Variants in XXYLT1 observed in about 807,000 individuals in gnomAD.
XXYLT1 encodes xyloside xylosyltransferase 1.
In XXYLT1, 20 loss-of-function variants were observed where a neutral mutation model predicts 28.9. That is an observed-to-expected ratio of 0.69 (90% CI 0.49 to 1.00). XXYLT1 has a LOEUF of 1.00. Among genes scored for constraint, XXYLT1 ranks in the 50% least tolerant of loss-of-function variants. The probability of loss-of-function intolerance (pLI) is 0.00; values close to 1 mark genes in which losing one functional copy is unlikely to be tolerated. For synonymous variants in XXYLT1, 257 were observed against 253.8 expected (o/e 1.01, Z -0.12); for missense variants, 542 against 560.1 (o/e 0.97, Z 0.33).
intron 2 of XXYLT1, among the ~76,000 whole-genome samples, chr3:195,216,189 A>G (rs1164930225): frequency 1.3e-5 from 2 of 152,342 alleles, no homozygotes; most frequent in African/African-American, 4.8e-5. Flanking sequence ...TATAGCACTA[A>G]GTGCCCACAA....
chr3:195,113,389 G>A (rs377152216), intron 3 of XXYLT1, among the ~76,000 whole-genome samples: 2 of 152,154 alleles, frequency 1.3e-5, no homozygotes, highest in South Asian at 2.1e-4. Context: ...GGCAGGCACC[G>A]TTCCAAGAAG....
At chr3:195,073,829 T>G (rs1388290240) in intron 3 of XXYLT1, among the ~76,000 whole-genome samples, 3 of 152,238 alleles carry the variant, frequency 2.0e-5, no homozygotes, top group Admixed American at 6.5e-5. Context: ...GCTAGTCAAC[T>G]AGTTTTCATG....
At chr3:195,254,029 C>G (rs1246070431) in intron 1 of XXYLT1, among the ~76,000 whole-genome samples, 2 of 152,198 alleles carry the variant, frequency 1.3e-5, no homozygotes, top group Non-Finnish European at 2.9e-5. Flanking sequence ...CAGCTGTGCA[C>G]CAGGGGGCAC....
intron 3 of XXYLT1, among the ~76,000 whole-genome samples, chr3:195,143,618 G>C (rs1054343355): frequency 1.3e-5 from 2 of 151,284 alleles, no homozygotes; most frequent in Non-Finnish European, 2.9e-5. Flanking sequence ...TTTTTAAATT[G>C]TAAAAACGTG....
chr3:195,270,988 T>A lies in XXYLT1; in HGVS notation c.71A>T (p.Tyr24Phe). Residue 24 changes from tyrosine to phenylalanine, a missense_variant, in exon 1 of 4, where the codon TAC becomes TTC. Tyr to Phe is a conservative substitution (Grantham distance 22, BLOSUM62 3). Coordinates refer to ENST00000310380, the MANE Select transcript of XXYLT1 (RefSeq NM_152531.5). Reference protein sequence around the residue: ...MARLGAVRSHYCALLLAAALA... With the variant: ...MARLGAVRSHFCALLLAAALA... ...CGCCGCGGCCAGCAGCAGGGCGCAG[T>A]AGTGGGAGCGCACAGCGCCCAGGCG... 6.7e-7 allele frequency: 1 copy of A among 1,481,940 alleles called. No homozygotes were observed. The allele number at this position is 1,481,940 out of a possible 1,614,324, so 91.8% of individuals were successfully genotyped here. A position where few individuals can be genotyped will look rare whatever the true frequency, so the allele number is the denominator to read the frequency against.
At chr3:195,162,510 A>T (rs1389753880) in intron 2 of XXYLT1, among the ~76,000 whole-genome samples, 1 of 152,228 alleles carries the variant, frequency 6.6e-6, no homozygotes, top group Non-Finnish European at 1.5e-5. Context: ...CTGTACAACA[A>T]ACTTTCTTCA....
chr3:195,131,326 C>T lies in XXYLT1; in HGVS notation c.785+25123G>A, dbSNP rs956074391. Among the ~76,000 whole-genome samples, 8 of 152,208 alleles carry T rather than the reference C, an allele frequency of 5.3e-5. No individual in the cohort carries two copies. The South Asian group carries it at 6.2e-4, about 12-fold the overall frequency. ...CAGGTGATCTGACTTGCCTGAAAGG[C>T]GGGTGGATTTTTCAGTCCTAGCTCC... On this transcript the variant is annotated intron_variant, in intron 3 of 3. Transcript: ENST00000310380.
intron 3 of XXYLT1, among the ~76,000 whole-genome samples, chr3:195,083,799 G>A (rs1474673957): frequency 6.6e-6 from 1 of 152,198 alleles, no homozygotes; most frequent in Non-Finnish European, 1.5e-5. Context: ...GCCGAGGAAA[G>A]CAGATCACTT....
chr3:195,167,684 G>T (rs1352440333), intron 2 of XXYLT1, among the ~76,000 whole-genome samples: 1 of 152,164 alleles, frequency 6.6e-6, no homozygotes, highest in Non-Finnish European at 1.5e-5. Flanking sequence ...CTACTCCACT[G>T]TGTTGACCTC....
chr3:195,197,441 T>TAAAA (rs59076636), intron 2 of XXYLT1, among the ~76,000 whole-genome samples: 6 of 106,188 alleles, frequency 5.7e-5, no homozygotes, highest in African/African-American at 2.0e-4. Context: ...AGTCTCAATT[T>TAAAA]AAAAAAAAAA....
chr3:195,199,377 T>C (rs6796272), intron 2 of XXYLT1, among the ~76,000 whole-genome samples: 7,715 of 151,790 alleles, frequency 0.051, 597 homozygotes, highest in African/African-American at 0.18. Context: ...TTTGGGAGAG[T>C]GAGGCAGGTG....
At chr3:195,118,493 C>T (rs914609537) in intron 3 of XXYLT1, among the ~76,000 whole-genome samples, 3 of 85,966 alleles carry the variant, frequency 3.5e-5, no homozygotes, top group African/African-American at 8.4e-5. Flanking sequence ...GCACAGGTGA[C>T]GCCAGGTGTG....
Position 195,117,114 on chromosome 3 carries a change from T to TACACACACACACACACAC in XXYLT1, c.785+39317_785+39334dup, listed in dbSNP as rs10633458. ...AAACATCCTATATATATATAGTGTA[T>TACACACACACACACACAC]ACACACACACACACACACACACACA... On this transcript the variant is annotated intron_variant, in intron 3 of 3. Coordinates refer to ENST00000310380, the MANE Select transcript of XXYLT1 (RefSeq NM_152531.5). Among the ~76,000 whole-genome samples the TACACACACACACACACAC allele has an allele frequency of 3.1e-3, 456 of 148,738 alleles. 4 individuals are homozygous for TACACACACACACACACAC. The highest frequency in any genetic ancestry group is 0.01 in the African/African-American group (417 of 40,398).
intron 2 of XXYLT1, among the ~76,000 whole-genome samples, chr3:195,171,711 C>T (rs1337736797): frequency 6.6e-6 from 1 of 152,218 alleles, no homozygotes; most frequent in Non-Finnish European, 1.5e-5. Context: ...CAAAACAGGT[C>T]GCTTCCCCAC....
At chr3:195,116,024 T>A (rs1718025090) in intron 3 of XXYLT1, among the ~76,000 whole-genome samples, 1 of 152,052 alleles carries the variant, frequency 6.6e-6, no homozygotes. Context: ...AACAGGTTGT[T>A]TACGTGGACT....
intron 2 of XXYLT1, chr3:195,214,645 G>A (rs913831550): frequency 2.6e-5 from 4 of 152,136 alleles, no homozygotes; most frequent in African/African-American, 9.7e-5. Context: ...TGATGGAGCA[G>A]GGGCAGAGAA....
At chr3:195,079,485 GGACT>G (rs140275238) in intron 3 of XXYLT1, among the ~76,000 whole-genome samples, 5,272 of 152,252 alleles carry the variant, frequency 0.035, 304 homozygotes, top group African/African-American at 0.12. Flanking sequence ...TATTTAGTGA[GGACT>G]TACTATGTGC....
At chr3:195,191,218 G>A (rs968341754) in intron 2 of XXYLT1, among the ~76,000 whole-genome samples, 12 of 152,036 alleles carry the variant, frequency 7.9e-5, no homozygotes, top group Admixed American at 7.9e-4. Context: ...TATACCAAGT[G>A]TGCCTACCTC....
At chr3:195,097,938 A>T (rs183649861) in intron 3 of XXYLT1, among the ~76,000 whole-genome samples, 2 of 151,722 alleles carry the variant, frequency 1.3e-5, no homozygotes, top group East Asian at 3.9e-4. Context: ...CATGGAAGGT[A>T]CTGTGGTGGT....
Sources: gnomAD v4.1 joint callset for allele counts (sites outside exome capture counted in the v4.1 genomes callset) on GRCh38, gnomAD v4.1.1 for gene constraint, MANE v1.5 for transcripts, NCBI Gene and HGNC (gene_info 2026-07-23, HGNC 2026-07-21) for gene names.